TRAPPC9: variants seen among roughly 807,000 people sequenced by gnomAD.
TRAPPC9 encodes the protein trafficking protein particle complex subunit 9.
Under a neutral mutation model 124.0 loss-of-function variants are expected in TRAPPC9, and 83 were observed. That is an observed-to-expected ratio of 0.67 (90% CI 0.56 to 0.80). TRAPPC9 has a LOEUF of 0.80. Among genes scored for constraint, TRAPPC9 ranks in the 30% least tolerant of loss-of-function variants. The pLI is 0.00. For synonymous variants in TRAPPC9, 638 were observed against 617.5 expected, an observed-to-expected ratio of 1.03 and a Z score of -0.49; for missense variants, 1,302 against 1,508.3, an observed-to-expected ratio of 0.86 and a Z score of 2.27.
At chr8:139,849,345 T>C (rs1827301272) in intron 21 of TRAPPC9, among the ~76,000 whole-genome samples, 1 of 152,208 alleles carries the variant, frequency 6.6e-6, no homozygotes, top group Non-Finnish European at 1.5e-5. Flanking sequence ...GGGCTGTCCC[T>C]GTGTTCTACT....
chr8:139,963,618 T>C (rs1468019325), intron 19 of TRAPPC9, among the ~76,000 whole-genome samples: 1 of 149,772 alleles, frequency 6.7e-6, no homozygotes, highest in Non-Finnish European at 1.5e-5. Flanking sequence ...TACCAGGAAA[T>C]GTTCAGGTTT....
At chr8:140,156,604 G>A (rs969900317) in intron 17 of TRAPPC9, among the ~76,000 whole-genome samples, 2 of 152,152 alleles carry the variant, frequency 1.3e-5, no homozygotes, top group Non-Finnish European at 2.9e-5. Flanking sequence ...TGTAATATTC[G>A]AATGGAACTG....
Position 140,064,136 on chromosome 8 carries a change from C to T in TRAPPC9, c.2557-40057G>A, listed in dbSNP as rs1003130167. On this transcript the variant is annotated intron_variant, in intron 17 of 22. Coordinates refer to ENST00000438773, the MANE Select transcript of TRAPPC9 (RefSeq NM_001160372.4). ...AGTCACATAATTAATTTTCCCAACT[C>T]GACTGTTACACTTGGCAGGAATAAC... Among the ~76,000 whole-genome samples the T allele has an allele frequency of 3.3e-5, 5 of 152,036 alleles. No homozygotes were observed. In the East Asian group the frequency reaches 7.7e-4, roughly 23 times the overall value.
chr8:139,945,690 A>C (rs1276965000), intron 19 of TRAPPC9, among the ~76,000 whole-genome samples: 2 of 152,176 alleles, frequency 1.3e-5, no homozygotes, highest in Non-Finnish European at 2.9e-5. Flanking sequence ...CTTCCAGTGC[A>C]TAAGGTGTGC....
intron 12 of TRAPPC9, among the ~76,000 whole-genome samples, chr8:140,288,796 A>C (rs2131744534): frequency 2.0e-5 from 3 of 152,346 alleles, no homozygotes; most frequent in Middle Eastern, 6.8e-3. Flanking sequence ...CATTAGAATA[A>C]ACCTAACAAA....
At chr8:140,345,560 G>GT (rs1328986504) in intron 9 of TRAPPC9, among the ~76,000 whole-genome samples, 8 of 152,214 alleles carry the variant, frequency 5.3e-5, no homozygotes, top group South Asian at 2.1e-4. Context: ...GGATGGCATT[G>GT]TGAGTGGGAC....
intron 2 of TRAPPC9, among the ~76,000 whole-genome samples, chr8:140,446,110 T>G (rs565193477): frequency 9.2e-5 from 14 of 152,172 alleles, no homozygotes; most frequent in African/African-American, 3.4e-4. Context: ...CTGGCCAACA[T>G]AGTGAAACCC....
At chr8:139,964,151 C>T (rs1032797781) in intron 19 of TRAPPC9, among the ~76,000 whole-genome samples, 1 of 139,584 alleles carries the variant, frequency 7.2e-6, no homozygotes, top group Admixed American at 7.8e-5. Context: ...ATGAACCTGG[C>T]AGGTGGAGCT....
chr8:139,787,798 C>T (rs1430036580), intron 21 of TRAPPC9, among the ~76,000 whole-genome samples: 2 of 152,190 alleles, frequency 1.3e-5, no homozygotes, highest in Non-Finnish European at 2.9e-5. Flanking sequence ...TCACCAGACC[C>T]CACAGGAAGA....
chr8:139,845,442 T>C (rs1229332519), intron 21 of TRAPPC9, among the ~76,000 whole-genome samples: 1 of 152,230 alleles, frequency 6.6e-6, no homozygotes, highest in East Asian at 1.9e-4. Flanking sequence ...ATATCCACTT[T>C]CTCCCTCCAA....
intron 20 of TRAPPC9, among the ~76,000 whole-genome samples, chr8:139,886,297 C>T (rs897445954): frequency 6.6e-6 from 1 of 152,180 alleles, no homozygotes; most frequent in Non-Finnish European, 1.5e-5. Context: ...GTTATTTTTC[C>T]TTAATAAAAT....
At chr8:139,880,060 T>A (rs1044944935) in intron 21 of TRAPPC9, among the ~76,000 whole-genome samples, 1 of 152,166 alleles carries the variant, frequency 6.6e-6, no homozygotes, top group African/African-American at 2.4e-5. Flanking sequence ...TCTCCCTCTC[T>A]TTGTATATAC....
intron 9 of TRAPPC9, among the ~76,000 whole-genome samples, chr8:140,333,272 T>C (rs756541692): frequency 1.2e-4 from 18 of 152,230 alleles, no homozygotes; most frequent in Non-Finnish European, 1.0e-4. Flanking sequence ...TTTTCCTGTT[T>C]ATGTTTTCCA....
chr8:139,850,962 T>A (rs548073086), intron 21 of TRAPPC9, among the ~76,000 whole-genome samples: 163 of 152,246 alleles, frequency 1.1e-3, no homozygotes, highest in Middle Eastern at 3.4e-3. Context: ...CTAAAAGAGA[T>A]CATCGTGTAA....
intron 15 of TRAPPC9, among the ~76,000 whole-genome samples, chr8:140,272,378 GTGA>G (rs1031942418): frequency 3.3e-4 from 34 of 104,334 alleles, no homozygotes; most frequent in East Asian, 2.8e-3. Flanking sequence ...GAGGGTGGTG[GTGA>G]TGATGGTGAT....
chr8:140,068,742 G>A (rs1334772735), intron 17 of TRAPPC9, among the ~76,000 whole-genome samples: 3 of 152,168 alleles, frequency 2.0e-5, no homozygotes, highest in African/African-American at 7.2e-5. Context: ...TACTCTGGAC[G>A]CTTGTTCAAT....
intron 17 of TRAPPC9, among the ~76,000 whole-genome samples, chr8:140,155,894 A>G (rs975143804): frequency 2.6e-5 from 4 of 152,212 alleles, no homozygotes; most frequent in East Asian, 1.9e-4. Context: ...GAGAGCCACT[A>G]CTGACGATCA....
chr8:139,826,867 G>C (rs980122103), intron 21 of TRAPPC9, among the ~76,000 whole-genome samples: 5 of 152,228 alleles, frequency 3.3e-5, no homozygotes, highest in East Asian at 3.8e-4. Context: ...TCAGTACAGA[G>C]AGCAAGGCAC....
chr8:139,804,629 GCCACCAAGCACCACCGCCA>G (rs1823889256), intron 21 of TRAPPC9, among the ~76,000 whole-genome samples: 1 of 34,554 alleles, frequency 2.9e-5, no homozygotes, highest in Non-Finnish European at 4.9e-5. Flanking sequence ...ACCCACCACC[GCCACCAAGCACCACCGCCA>G]CCACCCACCA....
Sources: allele counts gnomAD v4.1 joint callset (sites outside exome capture counted in the v4.1 genomes callset), GRCh38; gene constraint gnomAD v4.1.1; transcripts MANE v1.5; gene names NCBI Gene and HGNC (gene_info 2026-07-23, HGNC 2026-07-21).